The following COL4A6 variants were observed in gnomAD, a reference collection of about 807,000 sequenced individuals.
The protein encoded by COL4A6 is collagen type IV alpha 6 chain, also known as collagen alpha-6(IV) chain.
In COL4A6, 59 loss-of-function variants were observed where a neutral mutation model predicts 126.7. The observed-to-expected ratio is 0.47, with a 90% CI of 0.38 to 0.58. The LOEUF (loss-of-function observed/expected upper bound fraction) is 0.58, where lower values mean the gene tolerates loss of function less well. COL4A6 is among the 20% of genes least tolerant of loss of function. The pLI, the probability that COL4A6 is intolerant of heterozygous loss-of-function variation, is 0.00. For synonymous variants in COL4A6, 547 were observed against 496.6 expected (o/e 1.10, Z -1.35); for missense variants, 1,285 against 1,337.3 (o/e 0.96, Z 0.61).
intron 41 of COL4A6, 63 bp downstream of exon 41, chrX:108,162,829 C>T: frequency 9.3e-7 from 1 of 1,073,919 alleles, no homozygotes; most frequent in Non-Finnish European, 1.2e-6. Flanking sequence ...ACATCCAAGC[C>T]AGCCTCTCAG....
intron 3 of COL4A6, among the ~76,000 whole-genome samples, chrX:108,284,684 C>G (rs927826757): frequency 4.5e-5 from 5 of 112,191 alleles, no homozygotes; most frequent in Non-Finnish European, 7.5e-5. Context: ...GTCAGAAAGA[C>G]AGGCATTCAG....
intron 2 of COL4A6, among the ~76,000 whole-genome samples, chrX:108,421,546 C>A (rs2063982115): frequency 8.9e-6 from 1 of 111,905 alleles, no homozygotes; most frequent in Non-Finnish European, 1.9e-5. Flanking sequence ...AGATAGAAAG[C>A]TAGAATACAA....
At position 108,288,582 on chromosome X, in the gene COL4A6, C is replaced by T. The variant is rs184048737; in HGVS notation, c.144+22166G>A. ...ATGGAACTCCTTATTTAGATAAGGT[C>T]CCTTGTCATGTGAATAGTTCATGAA... On this transcript the variant is annotated intron_variant, in intron 3 of 44. Transcript: ENST00000334504. Among the ~76,000 whole-genome samples, 5 of 111,077 alleles carry T rather than the reference C, an allele frequency of 4.5e-5. No individual in the cohort carries two copies. The East Asian group carries it at 1.4e-3, about 31-fold the overall frequency.
chrX:108,371,817 G>T (rs1397128307), intron 2 of COL4A6, among the ~76,000 whole-genome samples: 1 of 101,556 alleles, frequency 9.8e-6, no homozygotes, highest in Non-Finnish European at 2.0e-5. Flanking sequence ...GAGAGGTATG[G>T]GTTGGATCAA....
chrX:108,404,272 T>A (rs1315585387), intron 2 of COL4A6, among the ~76,000 whole-genome samples: 1 of 112,168 alleles, frequency 8.9e-6, no homozygotes, highest in Non-Finnish European at 1.9e-5. Flanking sequence ...ATCCTATTAA[T>A]CTCTCCTGTC....
chrX:108,187,105 C>CG lies in COL4A6; in HGVS notation c.1941dup (p.Gly648ArgfsTer3). The CG allele has an allele frequency of 8.7e-7, 1 of 1,153,475 alleles. No individual in the cohort carries two copies. Among genetic ancestry groups the CG allele is most frequent in the Non-Finnish European group, 1.2e-6 (1 of 860,936 alleles). On this transcript the variant is annotated frameshift_variant, in exon 23 of 45. Coordinates refer to ENST00000334504, the MANE Select transcript of COL4A6 (RefSeq NM_033641.4). LOFTEE classifies it high-confidence loss of function. ...TGATTCTATGACTCACCCTTAGATC[C>CG]GGGAAGGCCTTGTTGTCCCGGTAAT...
chrX:108,277,511 C>T (rs1434146030), intron 3 of COL4A6, among the ~76,000 whole-genome samples: 1 of 112,519 alleles, frequency 8.9e-6, no homozygotes, highest in African/African-American at 3.2e-5. Context: ...TGGAGCCCAC[C>T]ACAGCTCAAG....
intron 5 of COL4A6, among the ~76,000 whole-genome samples, chrX:108,215,078 C>A (rs1008150287): frequency 9.8e-5 from 11 of 111,753 alleles, no homozygotes; most frequent in African/African-American, 3.2e-4. Flanking sequence ...AGATGTCCCC[C>A]CTGCCGATGC....
intron 3 of COL4A6, among the ~76,000 whole-genome samples, chrX:108,227,119 A>G (rs1425946422): frequency 9.0e-6 from 1 of 111,586 alleles, no homozygotes; most frequent in Non-Finnish European, 1.9e-5. Flanking sequence ...TTGCCTGTTT[A>G]TGTGTCTATA....
intron 12 of COL4A6, 79 bp from the exon 13 acceptor site, chrX:108,203,060 G>T: frequency 1.2e-6 from 1 of 825,135 alleles, no homozygotes; most frequent in Non-Finnish European, 1.8e-6. Context: ...ACATGTACTT[G>T]GACTGAGGAG....
intron 2 of COL4A6, among the ~76,000 whole-genome samples, chrX:108,396,351 A>G (rs2040963891): frequency 9.0e-6 from 1 of 111,388 alleles, no homozygotes; most frequent in Non-Finnish European, 1.9e-5. Context: ...AAGGCCTCCC[A>G]AGAATGAATT....
At chrX:108,175,371 TG>T (rs1447383005) in intron 29 of COL4A6, among the ~76,000 whole-genome samples, 156 bp from the exon 30 acceptor site, 1 of 111,207 alleles carries the variant, frequency 9.0e-6, no homozygotes, top group Non-Finnish European at 1.9e-5. Context: ...CACATTTCTG[TG>T]TATGTCCTCT....
chrX:108,291,240 A>G (rs1205686686), intron 3 of COL4A6, among the ~76,000 whole-genome samples: 2 of 112,088 alleles, frequency 1.8e-5, no homozygotes, highest in Admixed American at 1.9e-4. Flanking sequence ...CTTTCTCTGC[A>G]TGTCCAACAA....
At chrX:108,223,238 T>G (rs1199520018) in intron 3 of COL4A6, among the ~76,000 whole-genome samples, 1 of 110,288 alleles carries the variant, frequency 9.1e-6, no homozygotes, top group Non-Finnish European at 1.9e-5. Flanking sequence ...TGAGGGGTGG[T>G]GGGCAAGGGG....
chrX:108,223,367 C>G lies in COL4A6; in HGVS notation c.145-1993G>C, dbSNP rs775733673. Among the ~76,000 whole-genome samples, 5 of 111,623 alleles carry G rather than the reference C, an allele frequency of 4.5e-5. No homozygotes were observed. The South Asian group carries it at 1.9e-3, about 42-fold the overall frequency. ...CACGTTCTGCACATGTATCCTAGAA[C>G]TTGAAGTATAATTTTTTTAAAAAAA... On this transcript the variant is annotated intron_variant, in intron 3 of 44. Coordinates refer to ENST00000334504, the MANE Select transcript of COL4A6 (RefSeq NM_033641.4).
At chrX:108,221,083 G>T in intron 4 of COL4A6, 157 bp downstream of exon 4, 1 of 692,180 alleles carries the variant, frequency 1.4e-6, no homozygotes, top group Non-Finnish European at 2.3e-6. Context: ...GGGCAACAGG[G>T]CGAGACTCTG....
intron 13 of COL4A6, among the ~76,000 whole-genome samples, chrX:108,198,089 GC>G (rs767488183): frequency 1.1e-4 from 12 of 111,572 alleles, no homozygotes; most frequent in Non-Finnish European, 2.1e-4. Flanking sequence ...AGCCCATGCT[GC>G]CCGAAACTCT....
intron 37 of COL4A6, among the ~76,000 whole-genome samples, chrX:108,167,511 T>G (rs1045400908): frequency 9.0e-6 from 1 of 110,826 alleles, no homozygotes; most frequent in Admixed American, 9.6e-5. Context: ...AATTTTTGTA[T>G]TTTTTGTAGA....
chrX:108,314,741 T>C (rs1199121677), intron 2 of COL4A6, among the ~76,000 whole-genome samples: 2 of 112,027 alleles, frequency 1.8e-5, no homozygotes, highest in Non-Finnish European at 3.8e-5. Flanking sequence ...TTGGATGAAC[T>C]TAGGCAACTG....
Sources: allele counts gnomAD v4.1 joint callset (sites outside exome capture counted in the v4.1 genomes callset), GRCh38; gene constraint gnomAD v4.1.1; transcripts MANE v1.5; gene names NCBI Gene and HGNC (gene_info 2026-07-23, HGNC 2026-07-21).